VPS13B: variants seen among roughly 807,000 people sequenced by gnomAD.
VPS13B encodes vacuolar protein sorting 13 homolog B.
Under a neutral mutation model 426.4 loss-of-function variants are expected in VPS13B, and 285 were observed. The observed-to-expected ratio is 0.67, with a 90% CI of 0.61 to 0.74. VPS13B has a LOEUF of 0.74. VPS13B is among the 30% of genes least tolerant of loss of function. VPS13B has a pLI of 0.00. For synonymous variants in VPS13B, 1,676 were observed against 1,676.4 expected, an observed-to-expected ratio of 1.00 and a Z score of 0.01; for missense variants, 4,537 against 4,782.6, an observed-to-expected ratio of 0.95 and a Z score of 1.51.
At chr8:99,345,383 T>G (rs965740823) in intron 19 of VPS13B, among the ~76,000 whole-genome samples, 10 of 152,208 alleles carry the variant, frequency 6.6e-5, no homozygotes, top group Non-Finnish European at 5.9e-5. Flanking sequence ...ATTTTAGGCT[T>G]TGTAGGCCAT....
chr8:99,020,051 A>G (rs190554105), intron 2 of VPS13B, among the ~76,000 whole-genome samples: 51 of 152,290 alleles, frequency 3.3e-4, no homozygotes, highest in African/African-American at 1.2e-3. Context: ...AGGAATCACC[A>G]TACTGTTTTC....
intron 33 of VPS13B, among the ~76,000 whole-genome samples, chr8:99,631,757 G>T (rs1232073380): frequency 6.6e-6 from 1 of 151,590 alleles, no homozygotes; most frequent in African/African-American, 2.4e-5. Flanking sequence ...TTATTGGCTG[G>T]CTTCCCCCTA....
At chr8:99,175,812 T>G (rs1216343929) in intron 16 of VPS13B, among the ~76,000 whole-genome samples, 1 of 152,186 alleles carries the variant, frequency 6.6e-6, no homozygotes, top group African/African-American at 2.4e-5. Context: ...CACAAATGCT[T>G]AGGGACCACA....
At chr8:99,055,491 A>T (rs761554705) in intron 3 of VPS13B, among the ~76,000 whole-genome samples, 13 of 152,196 alleles carry the variant, frequency 8.5e-5, no homozygotes, top group South Asian at 4.1e-4. Context: ...TTAGCATCTT[A>T]ACGATGTTAA....
intron 17 of VPS13B, among the ~76,000 whole-genome samples, chr8:99,245,284 A>G (rs1380970417): frequency 3.3e-5 from 5 of 152,228 alleles, no homozygotes; most frequent in African/African-American, 9.6e-5. Context: ...AAAAACTCAT[A>G]TGAAGTATTG....
intron 3 of VPS13B, among the ~76,000 whole-genome samples, chr8:99,070,015 C>T (rs1246869764): frequency 6.6e-6 from 1 of 152,170 alleles, no homozygotes; most frequent in Non-Finnish European, 1.5e-5. Flanking sequence ...GTGATTCCCC[C>T]CGCCACGGCA....
chr8:99,740,242 A>G (rs916545296), intron 39 of VPS13B, among the ~76,000 whole-genome samples: 1 of 152,216 alleles, frequency 6.6e-6, no homozygotes, highest in Non-Finnish European at 1.5e-5. Flanking sequence ...GATCAAATGA[A>G]TGAAATGAAG....
chr8:99,584,830 G>A (rs1433235527), intron 33 of VPS13B, among the ~76,000 whole-genome samples: 1 of 152,026 alleles, frequency 6.6e-6, no homozygotes, highest in South Asian at 2.1e-4. Flanking sequence ...TGGATACTAG[G>A]GTGACAGCAT....
intron 19 of VPS13B, among the ~76,000 whole-genome samples, chr8:99,311,325 C>G (rs1820960908): frequency 6.6e-6 from 1 of 152,342 alleles, no homozygotes; most frequent in South Asian, 2.1e-4. Flanking sequence ...AAATTTCCCT[C>G]TACACACTGC....
chr8:99,192,975 A>T lies in VPS13B; in HGVS notation c.2433A>T (p.Ile811=), dbSNP rs540795071. ...CACAGACACTTCTCTTGCAAGCAAT[A>T]TATCAAAGTTGGTCTCATCTTGGAA... The part of the protein sequence containing the change: ...TRAQTLLLQA[I]YQSWSHLGNV... The change falls in exon 17 of 62, where the codon ATA becomes ATT. Residue 811 remains isoleucine, a synonymous_variant. Transcript: ENST00000357162. 6.7e-5 allele frequency: 108 copies of T among 1,613,734 alleles called. No homozygotes were observed. The highest frequency in any genetic ancestry group is 9.3e-5 in the African/African-American group (7 of 75,030).
intron 34 of VPS13B, among the ~76,000 whole-genome samples, chr8:99,655,260 A>T (rs547251011): frequency 6.6e-6 from 1 of 152,370 alleles, no homozygotes; most frequent in East Asian, 1.9e-4. Flanking sequence ...AGTGCTATCT[A>T]CCAGAGACAA....
intron 35 of VPS13B, among the ~76,000 whole-genome samples, chr8:99,692,762 T>C (rs1831741304): frequency 6.8e-6 from 1 of 147,646 alleles, no homozygotes; most frequent in South Asian, 2.1e-4. Context: ...AGGAGCTGGT[T>C]TTTTGAAAGG....
At chr8:99,557,436 C>T (rs1824648224) in intron 31 of VPS13B, among the ~76,000 whole-genome samples, 1 of 151,988 alleles carries the variant, frequency 6.6e-6, no homozygotes, top group South Asian at 2.1e-4. Context: ...AGAATAATGG[C>T]CACCAGTTCC....
chr8:99,030,744 C>T (rs1238105540), intron 2 of VPS13B, among the ~76,000 whole-genome samples: 4 of 152,144 alleles, frequency 2.6e-5, no homozygotes, highest in Non-Finnish European at 4.4e-5. Flanking sequence ...AGAGGATGCT[C>T]GTTTTCACTT....
chr8:99,791,083 A>C (rs1563918766), intron 43 of VPS13B, among the ~76,000 whole-genome samples: 8 of 152,168 alleles, frequency 5.3e-5, no homozygotes. Flanking sequence ...AGCGGATGAC[A>C]GTGGAGGAGT....
At chr8:99,526,799 CCA>C (rs1263504248) in intron 30 of VPS13B, among the ~76,000 whole-genome samples, 2 of 152,084 alleles carry the variant, frequency 1.3e-5, no homozygotes, top group Admixed American at 6.5e-5. Context: ...TCAAATTAAA[CCA>C]GTGATTCCTA....
intron 3 of VPS13B, among the ~76,000 whole-genome samples, chr8:99,057,756 C>G (rs1459744561): frequency 1.3e-5 from 2 of 152,126 alleles, no homozygotes. Flanking sequence ...GTGAACAATT[C>G]CACTGTGTGC....
chr8:99,786,876 A>T (rs903046549), intron 43 of VPS13B, among the ~76,000 whole-genome samples: 1 of 152,152 alleles, frequency 6.6e-6, no homozygotes, highest in Non-Finnish European at 1.5e-5. Flanking sequence ...GATTCCTTAC[A>T]TTCATTACAT....
chr8:99,626,929 C>T (rs1828639476), intron 33 of VPS13B, among the ~76,000 whole-genome samples: 1 of 148,770 alleles, frequency 6.7e-6, no homozygotes, highest in Non-Finnish European at 1.5e-5. Context: ...CAATGGAATA[C>T]TATTCAGCCT....
Sources: allele counts gnomAD v4.1 joint callset (sites outside exome capture counted in the v4.1 genomes callset), GRCh38; gene constraint gnomAD v4.1.1; transcripts MANE v1.5; gene names NCBI Gene and HGNC (gene_info 2026-07-23, HGNC 2026-07-21).